DNAH5: variants seen among roughly 807,000 people sequenced by gnomAD.
DNAH5 encodes the protein axonemal beta dynein heavy chain 5.
A neutral mutation model predicts 518.2 loss-of-function variants in DNAH5; 372 were observed. That is an observed-to-expected ratio of 0.72 (90% CI 0.66 to 0.78). The LOEUF (loss-of-function observed/expected upper bound fraction) is 0.78. Ranked by LOEUF, DNAH5 falls within the 30% of genes least tolerant of loss-of-function variation. DNAH5 has a pLI of 0.00. For synonymous variants in DNAH5, 2,039 were observed against 2,025.9 expected, an observed-to-expected ratio of 1.01 and a Z score of -0.17; for missense variants, 5,523 against 5,687.0, an observed-to-expected ratio of 0.97 and a Z score of 0.93.
chr5:13,769,542 T>A lies in DNAH5; in HGVS notation c.9679A>T (p.Lys3227Ter). ...VAALSKELEA[K>*]EKELQVANDK... ...TTGGCCACTTGTAGCTCCTTTTCTT[T>A]CGCTTCCAGTTCTTTACTCAAGGCT... is the stretch of plus-strand genomic sequence containing the variant. The change falls in exon 57 of 79, where the codon AAA becomes TAA. Residue 3227 changes from lysine (K) to a stop codon, truncating the protein, a stop_gained. Transcript: ENST00000265104. LOFTEE classifies it high-confidence loss of function. The A allele has an allele frequency of 6.2e-7, 1 of 1,614,118 alleles. No homozygotes were observed. Among genetic ancestry groups the A allele is most frequent in the Non-Finnish European group, 8.5e-7 (1 of 1,179,958 alleles).
In DNAH5 at chr5:13,841,868, C is replaced by T. The variant is rs1346242969; in HGVS notation, c.5308G>A (p.Gly1770Ser). Residue 1770 changes from glycine (G) to serine (S), a missense_variant, in exon 33 of 79, where the codon GGT becomes AGT. Gly to Ser is a moderately conservative substitution (Grantham distance 56, BLOSUM62 0). Coordinates refer to ENST00000265104, the MANE Select transcript of DNAH5 (RefSeq NM_001369.3). ...DRILSISSQE[G>S]ETIELDKPVM... ...GGTTTATCCAATTCAATCGTCTCAC[C>T]CTCTTGAGAGGAAATTGACAGAATT... The T allele has an allele frequency of 6.2e-7, 1 of 1,606,834 alleles. No individual in the cohort carries two copies. The highest frequency in any genetic ancestry group is 1.1e-5 in the South Asian group (1 of 90,858).
At position 13,842,486 on chromosome 5, in the gene DNAH5, A is replaced by AAAGAAAGG. The variant is rs1561408097; in HGVS notation, c.5272-583_5272-582insCCTTTCTT. Among the ~76,000 whole-genome samples, 33 of 118,746 alleles carry AAAGAAAGG rather than the reference A, an allele frequency of 2.8e-4. 1 individual carries two copies. Among genetic ancestry groups the AAAGAAAGG allele is most frequent in the African/African-American group, 1.1e-3 (32 of 28,718 alleles). The allele number at this position is 118,746 out of a possible 152,430, so 77.9% of individuals were successfully genotyped here. A position where few individuals can be genotyped will look rare whatever the true frequency, so the allele number is the denominator to read the frequency against. Reference sequence around the variant, plus strand: ...AAGAAAGAAAGAAAGAAAGAAAGAGAAAGAAAAGAAAGAAAGAAAGAAAAA... The same window carrying AAAGAAAGG: ...AAGAAAGAAAGAAAGAAAGAAAGAGAAAGAAAGGAAGAAAAGAAAGAAAGAAAGAAAAA... On this transcript the variant is annotated intron_variant, in intron 32 of 78. Coordinates refer to ENST00000265104, the MANE Select transcript of DNAH5 (RefSeq NM_001369.3).
chr5:13,919,195 GC>G lies in DNAH5; in HGVS notation c.955del (p.Ala319ProfsTer6). 1 of 1,613,898 alleles carries G rather than the reference GC, an allele frequency of 6.2e-7. No homozygotes were observed. Among genetic ancestry groups the G allele is most frequent in the South Asian group, 1.1e-5 (1 of 91,062 alleles). ...VKAVLAVLAA[A>X]KSKLLKTWRE... ...GACGACCTTCAGCAGTTTCGACTTGGCCGCCGCAAGCACTGCCAGCACAGCC... is the reference window on the plus strand; with the variant it reads ...GACGACCTTCAGCAGTTTCGACTTGGCGCCGCAAGCACTGCCAGCACAGCC... On this transcript the variant is annotated frameshift_variant, in exon 7 of 79. Transcript: ENST00000265104. LOFTEE classifies it high-confidence loss of function.
At chr5:13,982,985 G>A (rs1473460072) in intron 1 of DNAH5, among the ~76,000 whole-genome samples, 1 of 152,202 alleles carries the variant, frequency 6.6e-6, no homozygotes, top group Non-Finnish European at 1.5e-5. Context: ...GGTAGATTAG[G>A]CAGCCATTCT....
chr5:13,695,094 A>G (rs1351487443), intron 78 of DNAH5, among the ~76,000 whole-genome samples: 3 of 152,242 alleles, frequency 2.0e-5, no homozygotes. Flanking sequence ...TGGAAGCACT[A>G]TGCATGTATA....
At chr5:13,949,904 G>C (rs1352132082) in intron 1 of DNAH5, among the ~76,000 whole-genome samples, 2 of 152,150 alleles carry the variant, frequency 1.3e-5, no homozygotes, top group Non-Finnish European at 2.9e-5. Flanking sequence ...TGCTTAGGTG[G>C]CCTCTGATTA....
chr5:13,843,540 A>G (rs557379776), intron 32 of DNAH5, among the ~76,000 whole-genome samples: 4 of 152,310 alleles, frequency 2.6e-5, no homozygotes, highest in South Asian at 2.1e-4. Flanking sequence ...GATGTGATCA[A>G]TTTAAGATGT....
In DNAH5 at chr5:13,814,514, G is replaced by A. The variant is rs573130079; in HGVS notation, c.7230+91C>T. 254 of 1,285,496 alleles carry A rather than the reference G, an allele frequency of 2.0e-4. No individual in the cohort carries two copies. In the South Asian group the frequency reaches 2.6e-3, roughly 13 times the overall value. The allele number at this position is 1,285,496 out of a possible 1,614,324, so 79.6% of individuals were successfully genotyped here. On this transcript the variant is annotated intron_variant, in intron 43 of 78. Coordinates refer to ENST00000265104, the MANE Select transcript of DNAH5 (RefSeq NM_001369.3). ...ATTAGCATAAAAATGCAGTTACACT[G>A]CCATCTGCAGAAAAATTGGCACACA...
Position 13,817,531 on chromosome 5 carries a change from T to C in DNAH5, c.6988+17A>G. The C allele has an allele frequency of 6.2e-7, 1 of 1,612,574 alleles. No individual in the cohort carries two copies. On this transcript the variant is annotated intron_variant, in intron 42 of 78. Transcript: ENST00000265104. The stretch of plus-strand genomic sequence containing the variant: ...TAGAAGTATAATCAAAAATAATCCT[T>C]GTAATTTATCTTCTACCTTTCTTTG...
chr5:13,991,062 A>C (rs1222935520), intron 1 of DNAH5, among the ~76,000 whole-genome samples: 1 of 152,106 alleles, frequency 6.6e-6, no homozygotes, highest in Non-Finnish European at 1.5e-5. Context: ...CGGGGGCTGG[A>C]TTGACTTCTT....
intron 51 of DNAH5, among the ~76,000 whole-genome samples, chr5:13,787,304 G>A (rs905662559): frequency 1.3e-5 from 2 of 152,128 alleles, no homozygotes; most frequent in African/African-American, 4.8e-5. Context: ...GGACACATTA[G>A]TTGAATATAC....
In DNAH5 at chr5:13,864,495, T is replaced by C. The variant is rs886059989; in HGVS notation, c.4498A>G (p.Thr1500Ala). The change falls in exon 28 of 79, where the codon ACC becomes GCC. Residue 1500 changes from threonine (T) to alanine (A), a missense_variant. Physicochemically the swap from Thr to Ala is moderately conservative, Grantham distance 58 (BLOSUM62 0). Around this residue, in one of 3 missense-constraint regions of DNAH5, gnomAD observed 5,121 missense variants for 5,223.3 expected, o/e 0.98. Transcript: ENST00000265104. ...TCCAGACTGTGCCCGGTGAGGGTGG[T>C]TATCCTTTCCCAGTGCCGCTCCATC... Reference protein sequence around the residue: ...AMMERHWERITTLTGHSLDVG... With the variant: ...AMMERHWERIATLTGHSLDVG... 3 of 1,614,160 alleles carry C rather than the reference T, an allele frequency of 1.9e-6. No individual in the cohort carries two copies. Among genetic ancestry groups the C allele is most frequent in the Non-Finnish European group, 2.5e-6 (3 of 1,180,024 alleles).
intron 1 of DNAH5, among the ~76,000 whole-genome samples, chr5:13,938,305 C>G (rs1250416490): frequency 6.6e-6 from 1 of 152,140 alleles, no homozygotes; most frequent in African/African-American, 2.4e-5. Context: ...ATCACAATGC[C>G]TACAGCATTC....
At chr5:13,751,502 G>T (rs1483260635) in intron 64 of DNAH5, among the ~76,000 whole-genome samples, 2 of 152,098 alleles carry the variant, frequency 1.3e-5, no homozygotes, top group Non-Finnish European at 2.9e-5. Context: ...ACTGAATATA[G>T]AATTTAACAC....
At chr5:13,823,186 C>T in intron 40 of DNAH5, 77 bp downstream of exon 40, 1 of 990,760 alleles carries the variant, frequency 1.0e-6, no homozygotes, top group South Asian at 1.3e-5. Flanking sequence ...AGGTTGGAGC[C>T]ACAGCAGCCC....
chr5:13,814,117 G>T (rs948478289), intron 43 of DNAH5, among the ~76,000 whole-genome samples: 1 of 152,060 alleles, frequency 6.6e-6, no homozygotes, highest in Admixed American at 6.5e-5. Context: ...TTGATGAGAT[G>T]TTATCTGAAA....
At chr5:14,003,004 C>T (rs1281869304) in intron 1 of DNAH5, among the ~76,000 whole-genome samples, 3 of 152,088 alleles carry the variant, frequency 2.0e-5, no homozygotes. Flanking sequence ...GAATGTACAA[C>T]TTAAAGTTCC....
chr5:13,931,076 T>C, intron 2 of DNAH5, 34 bp downstream of exon 2: 1 of 1,613,882 alleles, frequency 6.2e-7, no homozygotes, highest in Non-Finnish European at 8.5e-7. Flanking sequence ...GTGCCCTCCA[T>C]CATCAAGTCA....
At chr5:13,757,351 A>G (rs925355923) in intron 61 of DNAH5, among the ~76,000 whole-genome samples, 1 of 152,156 alleles carries the variant, frequency 6.6e-6, no homozygotes, top group Non-Finnish European at 1.5e-5. Context: ...TTTCTCCGCA[A>G]TCTCACCAGC....
Sources: gnomAD v4.1 joint callset for allele counts (sites outside exome capture counted in the v4.1 genomes callset) on GRCh38, gnomAD v4.1.1 for gene constraint, gnomAD v4.1.1 regional missense constraint, MANE v1.5 for transcripts, NCBI Gene and HGNC (gene_info 2026-07-23, HGNC 2026-07-21) for gene names.